TAOK3: variants seen among roughly 807,000 people sequenced by gnomAD.
The protein encoded by TAOK3 is serine/threonine-protein kinase TAO3.
A neutral mutation model predicts 120.4 loss-of-function variants in TAOK3; 40 were observed. That is an observed-to-expected ratio of 0.33 (90% confidence interval 0.26 to 0.43). The LOEUF is 0.43. TAOK3 is among the 20% of genes least tolerant of loss of function. The pLI is 1.00. For synonymous variants in TAOK3, 355 were observed against 387.5 expected (o/e 0.92, Z 0.99); for missense variants, 821 against 1,112.1 (o/e 0.74, Z 3.72).
chr12:118,195,691 A>C lies in TAOK3; in HGVS notation c.1194+3360T>G, dbSNP rs2037680336. On this transcript the variant is annotated intron_variant, in intron 13 of 20. Transcript: ENST00000392533. The stretch of plus-strand genomic sequence containing the variant: ...GGCAACACTAGCCAGGGGGAAAAAT[A>C]AGTACCTAAAATTTATTTTGTCAGA... Among the ~76,000 whole-genome samples the C allele has an allele frequency of 1.3e-5, 2 of 152,216 alleles. 1 individual carries two copies. The highest frequency in any genetic ancestry group is 4.8e-5 in the African/African-American group (2 of 41,448).
chr12:118,308,930 C>CAAAA (rs1208470509), intron 1 of TAOK3, among the ~76,000 whole-genome samples: 3 of 36,726 alleles, frequency 8.2e-5, no homozygotes, highest in Non-Finnish European at 4.8e-5. Context: ...AACTCTGTCT[C>CAAAA]CAAAAAAAAA....
At position 118,160,122 on chromosome 12, in the gene TAOK3, G is replaced by A. The variant is rs758544066; in HGVS notation, c.2352+24C>T. 31 of 1,569,084 alleles carry A rather than the reference G, an allele frequency of 2.0e-5. No homozygotes were observed. Among genetic ancestry groups the A allele is most frequent in the East Asian group, 4.5e-5 (2 of 44,626 alleles). On this transcript the variant is annotated intron_variant, in intron 19 of 20. Coordinates refer to ENST00000392533, the MANE Select transcript of TAOK3 (RefSeq NM_016281.4). The surrounding 1 kb of genome is among the most constrained non-coding windows in gnomAD (Gnocchi z 4.2). ...CTTGATTCCCAAAGCTCTCGAAGCC[G>A]TGGCACCAAACCTAACCACTTACCG...
At chr12:118,170,195 C>G (rs1340839260) in intron 17 of TAOK3, among the ~76,000 whole-genome samples, 2 of 151,926 alleles carry the variant, frequency 1.3e-5, no homozygotes, top group African/African-American at 2.4e-5. Flanking sequence ...ATCATTGCCC[C>G]TATAAGGAGG....
chr12:118,223,689 G>T (rs1454003792), intron 9 of TAOK3, among the ~76,000 whole-genome samples: 1 of 150,358 alleles, frequency 6.7e-6, no homozygotes, highest in Non-Finnish European at 1.5e-5. Flanking sequence ...TGTCTCCCAG[G>T]CTGGAGTGCA....
chr12:118,204,372 C>G (rs2038187707), intron 11 of TAOK3, among the ~76,000 whole-genome samples: 1 of 151,904 alleles, frequency 6.6e-6, no homozygotes, highest in Admixed American at 6.6e-5. Context: ...ATGTAGTGGG[C>G]CTTAGCTGAT....
At chr12:118,256,157 C>A (rs943172188) in intron 2 of TAOK3, 1 of 150,832 alleles carries the variant, frequency 6.6e-6, no homozygotes, top group Admixed American at 6.6e-5. Context: ...TGACCATTAA[C>A]ATATGAGAAG....
chr12:118,340,979 A>G (rs1361544654), intron 1 of TAOK3, among the ~76,000 whole-genome samples: 1 of 150,556 alleles, frequency 6.6e-6, no homozygotes. Flanking sequence ...TAACTCTACC[A>G]TTAATATATC....
chr12:118,253,311 G>C (rs1380798850), intron 3 of TAOK3, among the ~76,000 whole-genome samples: 1 of 152,202 alleles, frequency 6.6e-6, no homozygotes, highest in African/African-American at 2.4e-5. Flanking sequence ...ACTTAAAATG[G>C]AAGAGTCAGT....
At chr12:118,191,063 T>G (rs548436369) in intron 13 of TAOK3, among the ~76,000 whole-genome samples, 1 of 152,336 alleles carries the variant, frequency 6.6e-6, no homozygotes, top group East Asian at 1.9e-4. Flanking sequence ...ATTTTATCCA[T>G]GACCACTTGA....
At chr12:118,203,067 A>C (rs1325191662) in intron 11 of TAOK3, among the ~76,000 whole-genome samples, 1 of 152,044 alleles carries the variant, frequency 6.6e-6, no homozygotes, top group Non-Finnish European at 1.5e-5. Context: ...GGCGTGAGCC[A>C]CCGCACCGCA....
chr12:118,293,431 C>T (rs184830311), intron 1 of TAOK3, among the ~76,000 whole-genome samples: 245 of 152,180 alleles, frequency 1.6e-3, no homozygotes, highest in Non-Finnish European at 2.8e-3. Flanking sequence ...GTAATCCCAG[C>T]ACTTTGGGAG....
chr12:118,353,113 TA>T (rs1274672924), intron 1 of TAOK3, among the ~76,000 whole-genome samples: 1 of 152,208 alleles, frequency 6.6e-6, no homozygotes, highest in Non-Finnish European at 1.5e-5. Context: ...AAGATTTAGC[TA>T]AAAGATATGG....
intron 14 of TAOK3, 141 bp downstream of exon 14, chr12:118,189,666 A>G (rs746249164): frequency 2.4e-5 from 26 of 1,096,614 alleles, no homozygotes; most frequent in Non-Finnish European, 3.1e-5. Flanking sequence ...CCTAAAATGA[A>G]TAAAATTATT....
chr12:118,317,932 A>C (rs571166729), intron 1 of TAOK3, among the ~76,000 whole-genome samples: 266 of 151,902 alleles, frequency 1.8e-3, no homozygotes, highest in Non-Finnish European at 3.2e-3. Flanking sequence ...ATATAGACCA[A>C]TGGAATAGAA....
chr12:118,288,891 G>A (rs2042360767), intron 1 of TAOK3, among the ~76,000 whole-genome samples: 1 of 136,676 alleles, frequency 7.3e-6, no homozygotes, highest in South Asian at 2.3e-4. Flanking sequence ...ACTCTAGCCT[G>A]GACAACAGAG....
intron 1 of TAOK3, among the ~76,000 whole-genome samples, chr12:118,281,560 G>A (rs1056138659): frequency 1.3e-5 from 2 of 152,138 alleles, no homozygotes; most frequent in Non-Finnish European, 2.9e-5. Flanking sequence ...TGAGGCAGGC[G>A]AATCACCTGA....
chr12:118,256,785 T>C (rs949538108), intron 2 of TAOK3, among the ~76,000 whole-genome samples: 2 of 152,198 alleles, frequency 1.3e-5, no homozygotes, highest in Non-Finnish European at 2.9e-5. Context: ...AGCTAAAAGA[T>C]ACAGGCTTTC....
At chr12:118,331,263 A>G (rs2044134507) in intron 1 of TAOK3, among the ~76,000 whole-genome samples, 1 of 152,168 alleles carries the variant, frequency 6.6e-6, no homozygotes, top group Non-Finnish European at 1.5e-5. Context: ...TGCTAACACC[A>G]GGCTGAATTA....
At chr12:118,364,612 T>A (rs2141314976) in intron 1 of TAOK3, among the ~76,000 whole-genome samples, 1 of 152,248 alleles carries the variant, frequency 6.6e-6, no homozygotes, top group Admixed American at 6.5e-5. Flanking sequence ...TTGTTTCAAG[T>A]GATTAAAATA....
Sources: allele counts gnomAD v4.1 joint callset (sites outside exome capture counted in the v4.1 genomes callset), GRCh38; gene constraint gnomAD v4.1.1; non-coding constraint Gnocchi (gnomAD v3.1); transcripts MANE v1.5; gene names NCBI Gene and HGNC (gene_info 2026-07-23, HGNC 2026-07-21).